The following FARP2 variants were observed in gnomAD, a reference collection of about 807,000 sequenced individuals.
The protein encoded by FARP2 is FERM, ARHGEF and pleckstrin domain-containing protein 2.
In FARP2, 111 loss-of-function variants were observed where a neutral mutation model predicts 130.5. The observed-to-expected ratio is 0.85, with a 90% CI of 0.73 to 1.00. FARP2 has a LOEUF of 1.00. Among genes scored for constraint, FARP2 ranks in the 50% least tolerant of loss-of-function variants. The pLI, the probability that FARP2 is intolerant of heterozygous loss-of-function variation, is 0.00. For synonymous variants in FARP2, 504 were observed against 516.9 expected (o/e 0.98, Z 0.34); for missense variants, 1,385 against 1,346.3 (o/e 1.03, Z -0.45).
At chr2:241,407,715 A>G in intron 5 of FARP2, 100 bp downstream of exon 5, 1 of 893,648 alleles carries the variant, frequency 1.1e-6, no homozygotes, top group Non-Finnish European at 1.8e-6. Flanking sequence ...AATAAGCCTG[A>G]TATACACAGA....
At chr2:241,456,618 A>G (rs2074775) in intron 13 of FARP2, 129 bp from the exon 14 acceptor site, 265,783 of 822,644 alleles carry the variant, frequency 0.32, 45,381 homozygotes, top group Non-Finnish European at 0.37. Context: ...GTACATACAC[A>G]TTTTACAGGA....
intron 8 of FARP2, among the ~76,000 whole-genome samples, chr2:241,423,980 A>C (rs950234128): frequency 1.3e-5 from 2 of 152,110 alleles, no homozygotes; most frequent in Non-Finnish European, 2.9e-5. Flanking sequence ...GATCTAAAAA[A>C]CGACTTAGAC....
chr2:241,394,058 A>C (rs1362402954), intron 2 of FARP2, among the ~76,000 whole-genome samples: 2 of 152,258 alleles, frequency 1.3e-5, no homozygotes, highest in East Asian at 3.9e-4. Context: ...CCAGTGCTCT[A>C]ACTGGCTGTG....
At chr2:241,356,830 G>A (rs1056923681) in intron 1 of FARP2, among the ~76,000 whole-genome samples, 1 of 152,262 alleles carries the variant, frequency 6.6e-6, no homozygotes, top group Non-Finnish European at 1.5e-5. Context: ...CAGGGTATGG[G>A]CCTGGAGGTG....
At chr2:241,458,461 C>T (rs1401542039) in intron 14 of FARP2, among the ~76,000 whole-genome samples, 2 of 152,170 alleles carry the variant, frequency 1.3e-5, no homozygotes, top group East Asian at 3.9e-4. Context: ...AGGGCAGTCT[C>T]CTCCTTCCTG....
At chr2:241,410,844 T>C (rs1267495366) in intron 5 of FARP2, 189 bp from the exon 6 acceptor site, 4 of 559,964 alleles carry the variant, frequency 7.1e-6, no homozygotes, top group Non-Finnish European at 1.3e-5. Flanking sequence ...TGACCTTCAC[T>C]TGGTGACTGT....
chr2:241,397,100 C>A (rs1334664986), intron 2 of FARP2, among the ~76,000 whole-genome samples: 1 of 152,038 alleles, frequency 6.6e-6, no homozygotes, highest in Admixed American at 6.6e-5. Flanking sequence ...AACCAAACAC[C>A]GCATGTTCTC....
chr2:241,382,350 G>A (rs985930621), intron 2 of FARP2, among the ~76,000 whole-genome samples: 8 of 145,770 alleles, frequency 5.5e-5, no homozygotes, highest in South Asian at 2.2e-4. Context: ...GCTGGAGTGC[G>A]GTGGTGCAAT....
intron 8 of FARP2, among the ~76,000 whole-genome samples, chr2:241,421,706 G>A (rs1464487687): frequency 4.9e-5 from 5 of 101,280 alleles, no homozygotes; most frequent in Non-Finnish European, 8.9e-5. Context: ...CAACAAGTCA[G>A]TACCCTCCTG....
At position 241,434,310 on chromosome 2, in the gene FARP2, C is replaced by G; in HGVS notation, c.1020C>G (p.Ser340=). The G allele has an allele frequency of 6.2e-7, 1 of 1,611,740 alleles. No individual in the cohort carries two copies. Among genetic ancestry groups the G allele is most frequent in the Non-Finnish European group, 8.5e-7 (1 of 1,179,228 alleles). Residue 340 remains serine (S), a synonymous_variant, in exon 10 of 27, where the codon TCC becomes TCG. Coordinates refer to ENST00000264042, the MANE Select transcript of FARP2 (RefSeq NM_014808.4). ...AKAVFFSRGS[S]FRYSGRTQKQ... ...CCGTCTTCTTCAGCCGGGGCTCCTCCTTCAGATACAGGTAGGGGCCATGCC... is the reference window on the plus strand; with the variant it reads ...CCGTCTTCTTCAGCCGGGGCTCCTCGTTCAGATACAGGTAGGGGCCATGCC...
chr2:241,373,976 A>T (rs1169683640), intron 2 of FARP2, among the ~76,000 whole-genome samples: 4 of 151,618 alleles, frequency 2.6e-5, no homozygotes, highest in African/African-American at 9.7e-5. Flanking sequence ...GTTTTTCTAC[A>T]TGTTATTAGC....
At chr2:241,405,328 G>A (rs2062304942) in intron 4 of FARP2, 1 of 152,174 alleles carries the variant, frequency 6.6e-6, no homozygotes, top group African/African-American at 2.4e-5. Flanking sequence ...AACCTCCTGG[G>A]TTCAAGCTGT....
chr2:241,434,559 ATATG>A (rs1208846772), intron 10 of FARP2, among the ~76,000 whole-genome samples: 1 of 152,240 alleles, frequency 6.6e-6, no homozygotes, highest in Non-Finnish European at 1.5e-5. Flanking sequence ...TAACTTTAAA[ATATG>A]TATGTGGGCC....
chr2:241,371,762 T>C (rs1187545378), intron 1 of FARP2, among the ~76,000 whole-genome samples: 1 of 152,236 alleles, frequency 6.6e-6, no homozygotes, highest in African/African-American at 2.4e-5. Flanking sequence ...TTTGCCATAC[T>C]ATGTTTTATT....
intron 7 of FARP2, 119 bp from the exon 8 acceptor site, chr2:241,417,843 C>G (rs2062714710): frequency 9.2e-7 from 1 of 1,081,378 alleles, no homozygotes; most frequent in Admixed American, 2.1e-5. Flanking sequence ...AGTGAACCAT[C>G]TGCCCTCTAA....
Position 241,491,195 on chromosome 2 carries a change from A to G in FARP2, c.2623+16A>G. On this transcript the variant is annotated intron_variant, in intron 23 of 26. Coordinates refer to ENST00000264042, the MANE Select transcript of FARP2 (RefSeq NM_014808.4). Reference sequence around the variant, plus strand: ...CGTCCCCCCAGTGAGTGCTGGCCACAACCCCCCAGGAGACCTCCACTACAC... The same window carrying G: ...CGTCCCCCCAGTGAGTGCTGGCCACGACCCCCCAGGAGACCTCCACTACAC... 2 of 1,579,944 alleles carry G rather than the reference A, an allele frequency of 1.3e-6. No individual in the cohort carries two copies. The highest frequency in any genetic ancestry group is 1.7e-6 in the Non-Finnish European group (2 of 1,149,752).
In FARP2 at chr2:241,468,362, T is replaced by G; in HGVS notation, c.2116T>G (p.Tyr706Asp). The G allele has an allele frequency of 6.2e-7, 1 of 1,611,446 alleles. No individual in the cohort carries two copies. The highest frequency in any genetic ancestry group is 1.1e-5 in the South Asian group (1 of 91,034). ...CGHYSPGHHD[Y>D]ADCHDALKAI... The stretch of plus-strand genomic sequence containing the variant: ...ACATTACAGCCCCGGGCACCATGAC[T>G]ACGCTGACTGCCATGGTGAGTGTGG... Residue 706 changes from tyrosine (Y) to aspartate (D), a missense_variant, in exon 18 of 27, where the codon TAC becomes GAC. Coordinates refer to ENST00000264042, the MANE Select transcript of FARP2 (RefSeq NM_014808.4).
chr2:241,471,018 T>G (rs1263602367), intron 18 of FARP2, among the ~76,000 whole-genome samples: 1 of 151,330 alleles, frequency 6.6e-6, no homozygotes, highest in Non-Finnish European at 1.5e-5. Flanking sequence ...GATCTCGTTC[T>G]AAGTGGGGAA....
chr2:241,373,287 T>C lies in FARP2; in HGVS notation c.180T>C (p.Ile60=). ...ACAACACCATGGAAATATTTGACAT[T>C]GAGGTAAGAAGCATGATTTTTGGAG... ...LLDNTMEIFD[I]EPKCDGQVLL... Residue 60 remains isoleucine (I), a synonymous_variant, in exon 2 of 27, where the codon ATT becomes ATC. Coordinates refer to ENST00000264042, the MANE Select transcript of FARP2 (RefSeq NM_014808.4). 1.4e-6 allele frequency: 2 copies of C among 1,432,456 alleles called. No individual in the cohort carries two copies. The highest frequency in any genetic ancestry group is 1.9e-6 in the Non-Finnish European group (2 of 1,078,994). The allele number at this position is 1,432,456 out of a possible 1,614,324, so 88.7% of individuals were successfully genotyped here.
Sources: gnomAD v4.1 joint callset for allele counts (sites outside exome capture counted in the v4.1 genomes callset) on GRCh38, gnomAD v4.1.1 for gene constraint, MANE v1.5 for transcripts, NCBI Gene and HGNC (gene_info 2026-07-23, HGNC 2026-07-21) for gene names.